The following PDE11A variants were observed in gnomAD, a reference collection of about 807,000 sequenced individuals.
PDE11A encodes phosphodiesterase 11A, also known as dual 3',5'-cyclic-AMP and -GMP phosphodiesterase 11A.
Under a neutral mutation model 100.5 loss-of-function variants are expected in PDE11A, and 100 were observed. The ratio of observed to expected loss-of-function variants is 1.00; its 90% confidence interval spans 0.85 to 1.18. PDE11A has a LOEUF of 1.18. Among genes scored for constraint, PDE11A ranks in the 50% most tolerant of loss-of-function variants. The pLI is 0.00. For synonymous variants in PDE11A, 381 were observed against 420.8 expected, an observed-to-expected ratio of 0.91 and a Z score of 1.16; for missense variants, 1,141 against 1,152.6, an observed-to-expected ratio of 0.99 and a Z score of 0.15.
chr2:177,934,316 T>C (rs1008898735), intron 2 of PDE11A, among the ~76,000 whole-genome samples: 3 of 152,020 alleles, frequency 2.0e-5, no homozygotes, highest in African/African-American at 4.8e-5. Context: ...CATTTAAAAA[T>C]AGGCAAAAGA....
chr2:178,040,262 A>G lies in PDE11A; in HGVS notation c.913-25802T>C, dbSNP rs2086667701. On this transcript the variant is annotated intron_variant, in intron 1 of 19. Transcript: ENST00000286063. ...GCATTTTTAGTAGAGACAGGGTTTT[A>G]CCATGTTGGTCTTGAACTCCTGACC... Among the ~76,000 whole-genome samples, 2 of 151,872 alleles carry G rather than the reference A, an allele frequency of 1.3e-5. 1 individual carries two copies. Among genetic ancestry groups the G allele is most frequent in the South Asian group, 4.2e-4 (2 of 4,802 alleles).
intron 17 of PDE11A, among the ~76,000 whole-genome samples, chr2:177,674,271 T>C (rs1428858720): frequency 6.6e-6 from 1 of 152,234 alleles, no homozygotes; most frequent in Non-Finnish European, 1.5e-5. Context: ...CTAAGGCTGC[T>C]GTAAATTACC....
At chr2:177,757,012 T>C (rs2105484112) in intron 10 of PDE11A, among the ~76,000 whole-genome samples, 1 of 152,206 alleles carries the variant, frequency 6.6e-6, no homozygotes, top group East Asian at 1.9e-4. Context: ...ACGCATTCCA[T>C]GACATTTCAA....
intron 9 of PDE11A, among the ~76,000 whole-genome samples, chr2:177,769,864 G>T (rs2082287240): frequency 1.4e-5 from 2 of 146,362 alleles, no homozygotes; most frequent in African/African-American, 2.6e-5. Context: ...CTCCAGCCTG[G>T]GCGACAGAGT....
At chr2:178,049,103 C>T (rs1056803777) in intron 1 of PDE11A, among the ~76,000 whole-genome samples, 1 of 152,102 alleles carries the variant, frequency 6.6e-6, no homozygotes, top group Non-Finnish European at 1.5e-5. Flanking sequence ...TTTAAATGTT[C>T]AACATTTGAA....
intron 1 of PDE11A, among the ~76,000 whole-genome samples, chr2:178,042,477 C>CAAA (rs11291265): frequency 1.4e-5 from 2 of 138,532 alleles, no homozygotes; most frequent in Non-Finnish European, 1.6e-5. Flanking sequence ...GACTCTGTCT[C>CAAA]AAAAAAAAAA....
intron 9 of PDE11A, among the ~76,000 whole-genome samples, chr2:177,782,741 T>C (rs1392932194): frequency 6.6e-6 from 1 of 152,092 alleles, no homozygotes; most frequent in Non-Finnish European, 1.5e-5. Context: ...TCTTTCTTTT[T>C]TGCTTCCTTC....
chr2:177,758,687 C>T (rs2082130177), intron 10 of PDE11A, among the ~76,000 whole-genome samples: 1 of 152,228 alleles, frequency 6.6e-6, no homozygotes, highest in Non-Finnish European at 1.5e-5. Flanking sequence ...CTGCTGACCT[C>T]CAGATGCCTA....
intron 19 of PDE11A, among the ~76,000 whole-genome samples, chr2:177,640,613 A>T (rs60636947): frequency 0.066 from 10,121 of 152,292 alleles, 932 homozygotes; most frequent in African/African-American, 0.21. Context: ...AATCCCTCTT[A>T]GGTCCAAAGG....
At chr2:177,793,659 AG>A (rs1165224224) in intron 9 of PDE11A, among the ~76,000 whole-genome samples, 1 of 151,994 alleles carries the variant, frequency 6.6e-6, no homozygotes, top group Non-Finnish European at 1.5e-5. Context: ...ACCATCAAAA[AG>A]GAGGAGGAAA....
At chr2:177,826,479 A>T (rs732363) in intron 6 of PDE11A, among the ~76,000 whole-genome samples, 56,062 of 152,186 alleles carry the variant, frequency 0.37, 11,124 homozygotes, top group African/African-American at 0.51. Context: ...GAGGGAGCCA[A>T]TGTTCCCAGT....
At chr2:177,635,315 A>G (rs2080022914) in intron 19 of PDE11A, among the ~76,000 whole-genome samples, 1 of 152,098 alleles carries the variant, frequency 6.6e-6, no homozygotes, top group South Asian at 2.1e-4. Flanking sequence ...GCTGACCTAA[A>G]AACCCTATTT....
intron 16 of PDE11A, among the ~76,000 whole-genome samples, chr2:177,676,936 G>T (rs148412462): frequency 6.8e-4 from 103 of 152,298 alleles, no homozygotes; most frequent in African/African-American, 2.4e-3. Flanking sequence ...AATGATTCAG[G>T]ATTCTGTGCC....
intron 9 of PDE11A, among the ~76,000 whole-genome samples, chr2:177,778,624 G>C (rs1473906680): frequency 6.6e-6 from 1 of 152,208 alleles, no homozygotes; most frequent in Non-Finnish European, 1.5e-5. Context: ...GCTCTCAGCA[G>C]TAGTCCTTAA....
chr2:177,641,210 A>G (rs1028461647), intron 19 of PDE11A, among the ~76,000 whole-genome samples: 3 of 152,132 alleles, frequency 2.0e-5, no homozygotes, highest in African/African-American at 7.2e-5. Flanking sequence ...AAATCCCTCA[A>G]TGTGGCCTAT....
chr2:177,671,229 C>T (rs561066132), intron 17 of PDE11A, among the ~76,000 whole-genome samples: 2 of 152,070 alleles, frequency 1.3e-5, no homozygotes, highest in East Asian at 1.9e-4. Flanking sequence ...AAAATTCTGT[C>T]GTTGCTCTTT....
chr2:177,859,110 C>T lies in PDE11A; in HGVS notation c.1367+16749G>A, dbSNP rs35168006. Among the ~76,000 whole-genome samples the T allele has an allele frequency of 7.2e-3, 1,091 of 151,554 alleles. 3 individuals carry two copies. Among genetic ancestry groups the T allele is most frequent in the African/African-American group, 0.025 (1,012 of 41,306 alleles). ...AGGGCCTGTCGTGGGGTGGGGGGAT[C>T]GGGGAGGGATAGCATTAGGAGATAT... On this transcript the variant is annotated intron_variant, in intron 5 of 19. Coordinates refer to ENST00000286063, the MANE Select transcript of PDE11A (RefSeq NM_016953.4).
intron 1 of PDE11A, among the ~76,000 whole-genome samples, chr2:178,051,172 G>A (rs1410039956): frequency 6.6e-6 from 1 of 152,174 alleles, no homozygotes; most frequent in Non-Finnish European, 1.5e-5. Flanking sequence ...CAGAAACTCT[G>A]CAAGCCAGAA....
intron 1 of PDE11A, among the ~76,000 whole-genome samples, chr2:178,050,127 G>C (rs1040928119): frequency 6.6e-6 from 1 of 152,094 alleles, no homozygotes; most frequent in Non-Finnish European, 1.5e-5. Context: ...ACCTCATACG[G>C]CCAGGTGCCC....
Sources: gnomAD v4.1 joint callset for allele counts (sites outside exome capture counted in the v4.1 genomes callset) on GRCh38, gnomAD v4.1.1 for gene constraint, MANE v1.5 for transcripts, NCBI Gene and HGNC (gene_info 2026-07-23, HGNC 2026-07-21) for gene names.